Variants in FRMD4A observed in about 807,000 individuals in gnomAD.
The protein encoded by FRMD4A is FERM domain-containing protein 4A.
In FRMD4A, 29 loss-of-function variants were observed where a neutral mutation model predicts 129.1. The observed-to-expected ratio is 0.22, with a 90% CI of 0.17 to 0.31. The LOEUF is 0.31. Among genes scored for constraint, FRMD4A ranks in the 10% least tolerant of loss-of-function variants. The pLI is 1.00. For missense variants in FRMD4A, 1,272 were observed against 1,375.8 expected (o/e 0.92, Z 1.19); for synonymous variants, 634 against 571.6 (o/e 1.11, Z -1.56).
chr10:13,659,299 A>G, intron 21 of FRMD4A, 24 bp downstream of exon 21: 3 of 1,608,156 alleles, frequency 1.9e-6, no homozygotes, highest in Non-Finnish European at 2.6e-6. Flanking sequence ...GCTTGGTCTG[A>G]GCAGGAAGGC....
At chr10:14,053,989 A>G (rs1008411202) in intron 2 of FRMD4A, among the ~76,000 whole-genome samples, 1 of 152,142 alleles carries the variant, frequency 6.6e-6, no homozygotes, top group Non-Finnish European at 1.5e-5. Context: ...CCTCGGCAAT[A>G]GAGTGAGACC....
rs191539729 is a variant in FRMD4A, at chr10:14,178,432, A to G, written c.45+151626T>C. 7.9e-5 allele frequency among the ~76,000 whole-genome samples: 12 copies of G among 152,356 alleles called. No individual in the cohort carries two copies. The East Asian group carries it at 2.3e-3, about 29-fold the overall frequency. On this transcript the variant is annotated intron_variant, in intron 2 of 24. Coordinates refer to ENST00000357447, the MANE Select transcript of FRMD4A (RefSeq NM_018027.5). Reference sequence around the variant, plus strand: ...CAAAGTCTTGTGTTTATCAAAGATAAACATTTACAAAATGGAGCACATTAG... The same window carrying G: ...CAAAGTCTTGTGTTTATCAAAGATAGACATTTACAAAATGGAGCACATTAG...
intron 2 of FRMD4A, among the ~76,000 whole-genome samples, chr10:14,075,440 C>T (rs11818968): frequency 0.043 from 6,536 of 152,226 alleles, 223 homozygotes; most frequent in East Asian, 0.16. Context: ...ATAGAGATTA[C>T]GTAGCCTTCC....
chr10:14,177,916 C>T (rs530901394), intron 2 of FRMD4A, among the ~76,000 whole-genome samples: 15 of 152,256 alleles, frequency 9.9e-5, no homozygotes, highest in African/African-American at 3.4e-4. Flanking sequence ...ATCAATAGGA[C>T]TTGGAACCTA....
chr10:14,209,832 G>C (rs1842888370), intron 2 of FRMD4A, among the ~76,000 whole-genome samples: 1 of 152,096 alleles, frequency 6.6e-6, no homozygotes, highest in African/African-American at 2.4e-5. Flanking sequence ...TGGCTGCAGT[G>C]AGCTGTGATC....
intron 2 of FRMD4A, among the ~76,000 whole-genome samples, chr10:14,038,760 C>T (rs1025611214): frequency 3.3e-5 from 5 of 152,178 alleles, no homozygotes; most frequent in African/African-American, 4.8e-5. Flanking sequence ...GAAGGTTCCC[C>T]GGTGACTTTA....
intron 2 of FRMD4A, among the ~76,000 whole-genome samples, chr10:14,015,253 C>CTCCCTCCCTTCCTTCCT (rs2095695347): frequency 8.9e-6 from 1 of 111,994 alleles, no homozygotes; most frequent in African/African-American, 3.5e-5. Context: ...CCCTCCCTCC[C>CTCCCTCCCTTCCTTCCT]TTCCTTCCTT....
intron 2 of FRMD4A, among the ~76,000 whole-genome samples, chr10:13,859,797 T>C (rs76885775): frequency 1.9e-3 from 285 of 152,292 alleles, no homozygotes; most frequent in African/African-American, 6.6e-3. Context: ...ACTGGCGATA[T>C]GAACCCACAG....
At chr10:13,800,403 A>G (rs2093227062) in intron 4 of FRMD4A, among the ~76,000 whole-genome samples, 2 of 152,222 alleles carry the variant, frequency 1.3e-5, no homozygotes, top group African/African-American at 4.8e-5. Flanking sequence ...ATTTTATGAT[A>G]AACAGTCTGA....
At chr10:14,036,152 G>A (rs893278527) in intron 2 of FRMD4A, among the ~76,000 whole-genome samples, 1 of 152,168 alleles carries the variant, frequency 6.6e-6, no homozygotes, top group Non-Finnish European at 1.5e-5. Context: ...GAAAGTCCAC[G>A]TGGTGAAGCC....
At chr10:14,250,042 C>T (rs1844381262) in intron 2 of FRMD4A, among the ~76,000 whole-genome samples, 1 of 150,418 alleles carries the variant, frequency 6.6e-6, no homozygotes, top group African/African-American at 2.5e-5. Context: ...TCACTGCAAC[C>T]TCCACCTCCC....
intron 2 of FRMD4A, among the ~76,000 whole-genome samples, chr10:14,280,384 G>A (rs1159542440): frequency 6.6e-6 from 1 of 151,876 alleles, no homozygotes; most frequent in Non-Finnish European, 1.5e-5. Context: ...GAGCTCAAGA[G>A]ATCCTCCTGC....
At chr10:13,891,162 G>A (rs1033152799) in intron 2 of FRMD4A, among the ~76,000 whole-genome samples, 1 of 152,186 alleles carries the variant, frequency 6.6e-6, no homozygotes, top group Non-Finnish European at 1.5e-5. Context: ...ACTTGCTGCA[G>A]CCATTTGGAA....
intron 2 of FRMD4A, among the ~76,000 whole-genome samples, chr10:14,215,113 T>C (rs1055570167): frequency 1.3e-5 from 2 of 152,116 alleles, no homozygotes; most frequent in African/African-American, 4.8e-5. Context: ...GCCAGTTAAG[T>C]TGGGAAAAGG....
intron 2 of FRMD4A, among the ~76,000 whole-genome samples, chr10:14,115,125 C>T (rs1347450089): frequency 1.3e-5 from 2 of 152,190 alleles, no homozygotes; most frequent in Admixed American, 1.3e-4. Context: ...AAATGAGAGC[C>T]TGTCCCCTGG....
chr10:14,094,618 T>C (rs1407014079), intron 2 of FRMD4A, among the ~76,000 whole-genome samples: 3 of 152,176 alleles, frequency 2.0e-5, no homozygotes, highest in Non-Finnish European at 4.4e-5. Context: ...CATGGCTCCA[T>C]GTGGCCCTGC....
At chr10:14,223,045 C>A (rs1321118724) in intron 2 of FRMD4A, among the ~76,000 whole-genome samples, 1 of 152,210 alleles carries the variant, frequency 6.6e-6, no homozygotes, top group Non-Finnish European at 1.5e-5. Context: ...TGAGATTGCA[C>A]CACTGCACTC....
chr10:13,891,689 A>G, intron 2 of FRMD4A: 1 of 985,136 alleles, frequency 1.0e-6, no homozygotes, highest in Non-Finnish European at 1.2e-6. Flanking sequence ...GTACCCCGGA[A>G]CGGGCGTCCC....
intron 2 of FRMD4A, among the ~76,000 whole-genome samples, chr10:13,919,876 T>A (rs1405041649): frequency 3.9e-5 from 6 of 152,164 alleles, no homozygotes; most frequent in African/African-American, 1.4e-4. Flanking sequence ...AGGCAGAGGT[T>A]GCAGTGAGCT....
Sources: allele counts gnomAD v4.1 joint callset (sites outside exome capture counted in the v4.1 genomes callset), GRCh38; gene constraint gnomAD v4.1.1; transcripts MANE v1.5; gene names NCBI Gene and HGNC (gene_info 2026-07-23, HGNC 2026-07-21).